The following SMTN variants were observed in gnomAD, a reference collection of about 807,000 sequenced individuals.
SMTN encodes smoothelin.
SMTN carries 58 observed loss-of-function variants against 102.0 expected under a neutral mutation model. That is an observed-to-expected ratio of 0.57 (90% CI 0.46 to 0.71). SMTN has a LOEUF of 0.71. Among genes scored for constraint, SMTN ranks in the 30% least tolerant of loss-of-function variants. The probability of loss-of-function intolerance (pLI) is 0.00; values close to 1 mark genes in which losing one functional copy is unlikely to be tolerated. For synonymous variants in SMTN, 478 were observed against 497.9 expected (o/e 0.96, Z 0.53); for missense variants, 1,185 against 1,241.7 (o/e 0.95, Z 0.69).
At chr22:31,071,417 G>C (rs139860313) in intron 1 of SMTN, among the ~76,000 whole-genome samples, 189 of 152,210 alleles carry the variant, frequency 1.2e-3, no homozygotes, top group Non-Finnish European at 1.7e-3. Context: ...AGGATTGCTT[G>C]AGCCCAGGAG....
Position 31,095,687 on chromosome 22 carries a change from G to T in SMTN, c.1861+78G>T. The stretch of plus-strand genomic sequence containing the variant: ...TCCCCTCATACTCTGGGGTCCATTT[G>T]TGGACACCCCAGCTTAATAACTGCC... On this transcript the variant is annotated intron_variant, in intron 13 of 20. Coordinates refer to ENST00000333137, the MANE Select transcript of SMTN (RefSeq NM_134269.3). The surrounding 1 kb of genome is among the most constrained non-coding windows in gnomAD (Gnocchi z 4.1). The T allele has an allele frequency of 6.2e-6, 8 of 1,296,170 alleles. No homozygotes were observed. Among genetic ancestry groups the T allele is most frequent in the Non-Finnish European group, 8.7e-6 (8 of 923,664 alleles). The allele number at this position is 1,296,170 out of a possible 1,614,324, so 80.3% of individuals were successfully genotyped here. A position where few individuals can be genotyped will look rare whatever the true frequency, so the allele number is the denominator to read the frequency against.
chr22:31,091,728 G>T lies in SMTN; in HGVS notation c.1513G>T (p.Gly505Cys), dbSNP rs1371726045. ...PPTLLSTSSG[G>C]KSTITRVNSP... ...GACCCTACTCAGCACCAGTAGTGGG[G>T]GCAAGAGCACCATCACCCGTGTCAA... The change falls in exon 11 of 21, where the codon GGC becomes TGC. Residue 505 changes from glycine (G) to cysteine (C), a missense_variant. By Grantham distance (159) the Gly-to-Cys change is radical. Around this residue, in one of 2 missense-constraint regions of SMTN, gnomAD observed 1,096 missense variants for 1,112.7 expected, o/e 0.98. Transcript: ENST00000333137. 7 of 1,612,658 alleles carry T rather than the reference G, an allele frequency of 4.3e-6. No homozygotes were observed. The South Asian group carries it at 6.6e-5, about 15-fold the overall frequency.
chr22:31,095,605 G>A lies in SMTN; in HGVS notation c.1857G>A (p.Lys619=). Residue 619 remains lysine, a synonymous_variant, in exon 13 of 21, where the codon AAG becomes AAA. Coordinates refer to ENST00000333137, the MANE Select transcript of SMTN (RefSeq NM_134269.3). The surrounding 1 kb of genome is among the most constrained non-coding windows in gnomAD (Gnocchi z 4.1). ...CACTTCGTGAGCTCCGACAAAGGAA[G>A]AGAGGTAGAGAGCCAGTTGCCCTAC... ...RAALRELRQR[K]RDQRDKERER... 1.2e-6 allele frequency: 2 copies of A among 1,612,138 alleles called. No individual in the cohort carries two copies. The highest frequency in any genetic ancestry group is 2.2e-5 in the East Asian group (1 of 44,852).
intron 11 of SMTN, 128 bp downstream of exon 11, chr22:31,091,975 A>G: frequency 1.1e-6 from 1 of 943,040 alleles, no homozygotes; most frequent in Non-Finnish European, 1.5e-6. Flanking sequence ...AGGCCCAGAG[A>G]GGGAAGGTGG....
rs1324720963 is a variant in SMTN, at chr22:31,098,656, C to T, written c.2160-11C>T. The T allele has an allele frequency of 2.5e-6, 4 of 1,612,690 alleles. No individual in the cohort carries two copies. The highest frequency in any genetic ancestry group is 1.7e-4 in the Middle Eastern group (1 of 6,052). On this transcript the variant is annotated splice_polypyrimidine_tract_variant and intron_variant, in intron 16 of 20. Transcript: ENST00000333137. ...CTCTCCCTGCCTAACATGCGCCTCC[C>T]CAACCCCTAGCATCTTCGACCGCGA...
chr22:31,068,329 G>A (rs1286535660), intron 1 of SMTN: 1 of 151,934 alleles, frequency 6.6e-6, no homozygotes, highest in Non-Finnish European at 1.5e-5. Context: ...GTTTTAAAGG[G>A]ACCAAGTCCT....
Position 31,091,365 on chromosome 22 carries a change from G to T in SMTN, c.1342G>T (p.Val448Phe), listed in dbSNP as rs754813189. ...EEPGAPLPVA[V>F]GTAEPGGSMK... is the part of the protein sequence containing the mutation. ...GCCTGGTGCCCCGCTGCCCGTGGCC[G>T]TCGGCACTGCCGAGCCAGGGGGCAG... The change falls in exon 10 of 21, where the codon GTC becomes TTC. Residue 448 changes from valine (V) to phenylalanine (F), a missense_variant. This residue lies in a region of SMTN where 1,096 missense variants were observed against 1,112.7 expected (regional missense o/e 0.98). Coordinates refer to ENST00000333137, the MANE Select transcript of SMTN (RefSeq NM_134269.3). 1.2e-6 allele frequency: 2 copies of T among 1,604,604 alleles called. No homozygotes were observed. Among genetic ancestry groups the T allele is most frequent in the African/African-American group, 1.3e-5 (1 of 74,714 alleles).
At position 31,088,097 on chromosome 22, in the gene SMTN, AAGG is replaced by A. The variant is rs1277529453; in HGVS notation, c.187_189del (p.Glu63del). ...TTTCCGTGCCGAGCGGCAGGACAACAAGGAGAACTGGCTGCAGTGAGTAGCGGG... is the reference window on the plus strand; with the variant it reads ...TTTCCGTGCCGAGCGGCAGGACAACAAGAACTGGCTGCAGTGAGTAGCGGG... On this transcript the variant is annotated inframe_deletion, in exon 3 of 21. Transcript: ENST00000333137. 3.7e-6 allele frequency: 6 copies of A among 1,604,850 alleles called. No individual in the cohort carries two copies. The South Asian group carries it at 6.6e-5, about 18-fold the overall frequency.
intron 1 of SMTN, chr22:31,064,208 C>A (rs1415050839): frequency 6.6e-6 from 1 of 152,092 alleles, no homozygotes; most frequent in South Asian, 2.1e-4. Flanking sequence ...AAGAGAATAC[C>A]ATAGATGTCC....
chr22:31,099,595 G>A, intron 18 of SMTN, 150 bp from the exon 19 acceptor site: 1 of 785,652 alleles, frequency 1.3e-6, no homozygotes, highest in Non-Finnish European at 2.0e-6. Context: ...TGACTTGGAG[G>A]AGGCTCATGT....
chr22:31,081,967 G>A (rs543725761), intron 1 of SMTN, among the ~76,000 whole-genome samples: 50 of 152,258 alleles, frequency 3.3e-4, no homozygotes, highest in African/African-American at 9.1e-4. Context: ...AGATTGGGAG[G>A]TTGACACCTC....
At chr22:31,082,029 A>AC (rs1312346817) in intron 1 of SMTN, 1 of 154,584 alleles carries the variant, frequency 6.5e-6, no homozygotes, top group African/African-American at 2.4e-5. Flanking sequence ...ACAGGCTGGG[A>AC]CCCACACACC....
chr22:31,099,993 G>A, intron 19 of SMTN, 97 bp downstream of exon 19: 2 of 1,239,532 alleles, frequency 1.6e-6, no homozygotes, highest in Non-Finnish European at 2.3e-6. Flanking sequence ...GAGCGGGCCA[G>A]CCACATTGTC....
At chr22:31,072,829 G>C (rs770710982) in intron 1 of SMTN, among the ~76,000 whole-genome samples, 49 of 152,062 alleles carry the variant, frequency 3.2e-4, no homozygotes, top group Admixed American at 9.2e-4. Context: ...GGCAATCTCT[G>C]CTTACTGCAG....
intron 2 of SMTN, among the ~76,000 whole-genome samples, chr22:31,084,154 A>G (rs1013143172): frequency 1.3e-5 from 2 of 152,164 alleles, no homozygotes; most frequent in African/African-American, 4.8e-5. Context: ...ACCTCCATGC[A>G]CAGAGGCCGT....
intron 15 of SMTN, 56 bp from the exon 16 acceptor site, chr22:31,097,213 C>A: frequency 6.4e-7 from 1 of 1,568,318 alleles, no homozygotes; most frequent in Non-Finnish European, 8.8e-7. Context: ...CCTCCCATCC[C>A]ATCTCCTGAT....
chr22:31,065,696 C>A (rs554144793), intron 1 of SMTN: 1 of 151,536 alleles, frequency 6.6e-6, no homozygotes, highest in South Asian at 2.1e-4. Context: ...GTCTACTTTT[C>A]TTCAGTAAAT....
chr22:31,098,864 C>A (rs536715373), intron 17 of SMTN, 24 bp downstream of exon 17: 86 of 1,543,230 alleles, frequency 5.6e-5, no homozygotes, highest in Non-Finnish European at 7.3e-5. Flanking sequence ...GTGGGCTGGG[C>A]AGTGGGGGGC....
chr22:31,088,891 G>T lies in SMTN; in HGVS notation c.393G>T (p.Arg131Ser). 1 of 1,613,980 alleles carries T rather than the reference G, an allele frequency of 6.2e-7. No individual in the cohort carries two copies. The highest frequency in any genetic ancestry group is 8.5e-7 in the Non-Finnish European group (1 of 1,180,018). ...TTCCAGCTGCCACCTTGGCTGGGAG[G>T]TTGTACAGCGGGCGTCCCAACAGTG... ...QEIEAATLAG[R>S]LYSGRPNSGS... Residue 131 changes from arginine (R) to serine (S), a missense_variant, in exon 6 of 21, where the codon AGG (arginine) becomes AGT (serine). Physicochemically the swap from Arg to Ser is moderately radical, Grantham distance 110. Coordinates refer to ENST00000333137, the MANE Select transcript of SMTN (RefSeq NM_134269.3).
Sources: allele counts gnomAD v4.1 joint callset (sites outside exome capture counted in the v4.1 genomes callset), GRCh38; gene constraint gnomAD v4.1.1; regional missense constraint gnomAD v4.1.1; non-coding constraint Gnocchi (gnomAD v3.1); transcripts MANE v1.5; gene names NCBI Gene and HGNC (gene_info 2026-07-23, HGNC 2026-07-21).